The following ROBO2 variants were observed in gnomAD, a reference collection of about 807,000 sequenced individuals.
The protein encoded by ROBO2 is roundabout guidance receptor 2.
A neutral mutation model predicts 160.8 loss-of-function variants in ROBO2; 53 were observed. The ratio of observed to expected loss-of-function variants is 0.33; its 90% CI spans 0.26 to 0.41. The LOEUF is 0.41. Ranked by LOEUF, ROBO2 falls within the 10% of genes least tolerant of loss-of-function variation. The pLI is 1.00. For missense variants in ROBO2, 1,577 were observed against 1,722.4 expected (o/e 0.92, Z 1.49); for synonymous variants, 664 against 611.7 (o/e 1.09, Z -1.26).
chr3:77,409,862 T>TAC (rs2153520169), intron 2 of ROBO2, among the ~76,000 whole-genome samples: 1 of 152,112 alleles, frequency 6.6e-6, no homozygotes, highest in East Asian at 1.9e-4. Flanking sequence ...CGTACACACA[T>TAC]ACACACACAC....
At chr3:76,356,338 C>T (rs1189400495) in intron 2 of ROBO2, among the ~76,000 whole-genome samples, 2 of 150,814 alleles carry the variant, frequency 1.3e-5, no homozygotes, top group East Asian at 3.9e-4. Context: ...ACAATTATAT[C>T]AATAATTATG....
At position 76,655,646 on chromosome 3, in the gene ROBO2, A is replaced by G. The variant is rs373018892; in HGVS notation, c.110-442368A>G. The stretch of plus-strand genomic sequence containing the variant: ...TCATTATATTATTAAAAATTAATGA[A>G]AAAAGAGAAAGAAGAAAAAAAAGAA... On this transcript the variant is annotated intron_variant, in intron 2 of 26. Transcript: ENST00000487694. 2.8e-5 allele frequency among the ~76,000 whole-genome samples: 4 copies of G among 143,688 alleles called. No individual in the cohort carries two copies. The East Asian group carries it at 8.0e-4, about 29-fold the overall frequency. The allele number at this position is 143,688 out of a possible 152,430, so 94.3% of individuals were successfully genotyped here. A position where few individuals can be genotyped will look rare whatever the true frequency, so the allele number is the denominator to read the frequency against.
intron 5 of ROBO2, among the ~76,000 whole-genome samples, chr3:77,515,738 G>A (rs1342460350): frequency 6.6e-6 from 1 of 151,486 alleles, no homozygotes; most frequent in Non-Finnish European, 1.5e-5. Flanking sequence ...TAAAAAGCTG[G>A]GTAAAAATCT....
At chr3:76,258,479 A>G (rs1337558247) in intron 2 of ROBO2, among the ~76,000 whole-genome samples, 1 of 152,034 alleles carries the variant, frequency 6.6e-6, no homozygotes, top group African/African-American at 2.4e-5. Flanking sequence ...ACTTTTACGT[A>G]ACTTATAATA....
intron 2 of ROBO2, among the ~76,000 whole-genome samples, chr3:76,929,948 C>T (rs1306379978): frequency 6.6e-6 from 1 of 152,226 alleles, no homozygotes; most frequent in African/African-American, 2.4e-5. Context: ...CTCACACCCT[C>T]TACACTGGCT....
exon 1 of ROBO2, chr3:77,040,656 T>C: frequency 6.4e-7 from 1 of 1,569,732 alleles, no homozygotes; most frequent in Non-Finnish European, 8.6e-7. Context: ...CGATTTGCTC[T>C]TCTTGACTTT....
At chr3:77,168,182 T>C (rs1449874989) in intron 2 of ROBO2, among the ~76,000 whole-genome samples, 1 of 152,202 alleles carries the variant, frequency 6.6e-6, no homozygotes, top group Admixed American at 6.5e-5. Context: ...ACAATCAGCC[T>C]TCCAAGCACT....
At chr3:76,603,340 AAAAAAAAAAAAATATATATAT>A (rs1398268231) in intron 2 of ROBO2, among the ~76,000 whole-genome samples, 3 of 52,036 alleles carry the variant, frequency 5.8e-5, no homozygotes, top group South Asian at 7.6e-4. Context: ...TCCAAAAAAA[AAAAAAAAAAAAATATATATAT>A]ATATATATAT....
intron 2 of ROBO2, among the ~76,000 whole-genome samples, chr3:77,220,812 C>T (rs1233905629): frequency 6.6e-6 from 1 of 151,992 alleles, no homozygotes; most frequent in Non-Finnish European, 1.5e-5. Context: ...CAAAGTTACC[C>T]ATTCATCTTT....
intron 2 of ROBO2, among the ~76,000 whole-genome samples, chr3:76,920,168 T>C (rs868333538): frequency 2.4e-4 from 34 of 143,846 alleles, no homozygotes; most frequent in Middle Eastern, 3.5e-3. Flanking sequence ...TAATGTTTTC[T>C]CTTTTCCTTT....
chr3:76,434,557 A>T, intron 2 of ROBO2: 2 of 1,586,990 alleles, frequency 1.3e-6, no homozygotes, highest in Non-Finnish European at 1.7e-6. Flanking sequence ...AAGCTTATTT[A>T]AGTATACGGA....
chr3:77,496,917 TA>T (rs1430039782), intron 5 of ROBO2, among the ~76,000 whole-genome samples: 1 of 152,090 alleles, frequency 6.6e-6, no homozygotes, highest in African/African-American at 2.4e-5. Context: ...TATTTAGTCT[TA>T]AACTCCTGAC....
chr3:76,821,031 G>A (rs149261949), intron 2 of ROBO2, among the ~76,000 whole-genome samples: 247 of 152,030 alleles, frequency 1.6e-3, no homozygotes, highest in African/African-American at 5.7e-3. Flanking sequence ...AAATCAAACT[G>A]AAAGCGTTCA....
intron 2 of ROBO2, among the ~76,000 whole-genome samples, chr3:76,377,775 A>G (rs967764997): frequency 6.6e-6 from 1 of 152,156 alleles, no homozygotes; most frequent in African/African-American, 2.4e-5. Context: ...TAGAAAGGGT[A>G]CTAGCTTGTG....
At chr3:76,630,814 A>G (rs1299750876) in intron 2 of ROBO2, among the ~76,000 whole-genome samples, 5 of 152,226 alleles carry the variant, frequency 3.3e-5, no homozygotes, top group Non-Finnish European at 7.3e-5. Flanking sequence ...AGCTAAATCT[A>G]CCTCTCTATT....
chr3:77,005,057 A>C (rs2061511444), intron 2 of ROBO2, among the ~76,000 whole-genome samples: 1 of 152,002 alleles, frequency 6.6e-6, no homozygotes, highest in African/African-American at 2.4e-5. Context: ...AAAACAGAAC[A>C]GAACAACAAC....
At chr3:76,375,058 G>T (rs867391874) in intron 2 of ROBO2, among the ~76,000 whole-genome samples, 39 of 151,604 alleles carry the variant, frequency 2.6e-4, no homozygotes, top group African/African-American at 8.9e-4. Context: ...TCTATAAAGA[G>T]ATATTGAGGA....
At chr3:76,927,879 G>C (rs1371470851) in intron 2 of ROBO2, among the ~76,000 whole-genome samples, 1 of 152,108 alleles carries the variant, frequency 6.6e-6, no homozygotes, top group Non-Finnish European at 1.5e-5. Context: ...GGTTATGGAG[G>C]GAGAGGATGA....
intron 2 of ROBO2, among the ~76,000 whole-genome samples, chr3:76,322,182 ATATATATATATATATATATAT>A (rs2072599050): frequency 1.7e-5 from 1 of 58,620 alleles, no homozygotes; most frequent in Admixed American, 1.6e-4. Context: ...ATATATATAT[ATATATATATATATATATATAT>A]AATATACACA....
Sources: allele counts gnomAD v4.1 joint callset (sites outside exome capture counted in the v4.1 genomes callset), GRCh38; gene constraint gnomAD v4.1.1; transcripts MANE v1.5; gene names NCBI Gene and HGNC (gene_info 2026-07-23, HGNC 2026-07-21).